Variants in PTPRN2 observed in about 807,000 individuals in gnomAD.
PTPRN2 encodes the protein protein tyrosine phosphatase receptor type N2.
In PTPRN2, 74 loss-of-function variants were observed where a neutral mutation model predicts 118.8. The ratio of observed to expected loss-of-function variants is 0.62; its 90% CI spans 0.52 to 0.76. The LOEUF (loss-of-function observed/expected upper bound fraction) is 0.76, where lower values mean the gene tolerates loss of function less well. Ranked by LOEUF, PTPRN2 falls within the 30% of genes least tolerant of loss-of-function variation. The pLI is 0.00. For missense variants in PTPRN2, 1,481 were observed against 1,394.4 expected (o/e 1.06, Z -0.99); for synonymous variants, 641 against 608.0 (o/e 1.05, Z -0.80).
intron 11 of PTPRN2, among the ~76,000 whole-genome samples, chr7:158,021,251 T>C (rs1806850938): frequency 6.6e-6 from 1 of 152,100 alleles, no homozygotes; most frequent in African/African-American, 2.4e-5. Context: ...CAGCAGGTAT[T>C]AGGAAAGAAT....
At chr7:158,161,678 C>T (rs1441363352) in intron 6 of PTPRN2, among the ~76,000 whole-genome samples, 1 of 152,148 alleles carries the variant, frequency 6.6e-6, no homozygotes, top group Non-Finnish European at 1.5e-5. Flanking sequence ...TTGGTGATGA[C>T]TTTTTAAAAT....
chr7:157,639,966 G>C (rs896630892), intron 14 of PTPRN2, among the ~76,000 whole-genome samples: 5 of 152,192 alleles, frequency 3.3e-5, no homozygotes, highest in Admixed American at 6.5e-5. Flanking sequence ...AGTGTGTCTG[G>C]CAAAAGCTCT....
intron 11 of PTPRN2, among the ~76,000 whole-genome samples, chr7:157,937,804 C>T (rs948571220): frequency 3.9e-5 from 6 of 152,344 alleles, no homozygotes; most frequent in South Asian, 4.1e-4. Flanking sequence ...AACAGTCCTG[C>T]GTATCTGCAA....
chr7:158,319,432 A>AGG (rs1802650508), intron 2 of PTPRN2, among the ~76,000 whole-genome samples: 1 of 126,438 alleles, frequency 7.9e-6, no homozygotes. Flanking sequence ...ACACACACAC[A>AGG]CACAGCCTCC....
intron 12 of PTPRN2, among the ~76,000 whole-genome samples, chr7:157,847,724 G>A (rs1429866718): frequency 7.1e-6 from 1 of 140,668 alleles, no homozygotes; most frequent in African/African-American, 2.7e-5. Flanking sequence ...CATCATGTGT[G>A]CCCAATGTCT....
In PTPRN2 at chr7:158,319,621, AGCCT is replaced by A. The variant is rs1438205120; in HGVS notation, c.164-2693_164-2690del. ...CACACAGCCTCCCTTGTACACACACAGCCTCCCTCACACACACACAGCCTCCCTC... is the reference window on the plus strand; with the variant it reads ...CACACAGCCTCCCTTGTACACACACACCCTCACACACACACAGCCTCCCTC... On this transcript the variant is annotated intron_variant, in intron 2 of 22. Transcript: ENST00000389418. 3.8e-4 allele frequency among the ~76,000 whole-genome samples: 34 copies of A among 88,964 alleles called. 4 individuals carry two copies. Among genetic ancestry groups the A allele is most frequent in the East Asian group, 1.7e-3 (5 of 2,964 alleles). 58.4% of individuals were successfully genotyped at this position (88,964 alleles called of 152,430 possible).
intron 12 of PTPRN2, among the ~76,000 whole-genome samples, chr7:157,760,170 A>T (rs1200506572): frequency 1.3e-5 from 2 of 151,970 alleles, no homozygotes; most frequent in Non-Finnish European, 2.9e-5. Flanking sequence ...CTCTCTAACA[A>T]ACATCCCCCA....
intron 11 of PTPRN2, among the ~76,000 whole-genome samples, chr7:157,945,516 C>T (rs1336704998): frequency 1.3e-5 from 2 of 152,168 alleles, no homozygotes; most frequent in Non-Finnish European, 2.9e-5. Context: ...CCTGCCGTTC[C>T]CAACTCAGAC....
rs1802815086 is a variant in PTPRN2 at position 157,977,139 on chromosome 7, A to T, written c.1724-78402T>A. ...CATGAATCTAATAATTAGTTAACTG[A>T]TTAACGAAATGCATATTCATTAAGC... On this transcript the variant is annotated intron_variant, in intron 11 of 22. Coordinates refer to ENST00000389418, the MANE Select transcript of PTPRN2 (RefSeq NM_002847.5). The surrounding 1 kb of genome is among the most constrained non-coding windows in gnomAD (Gnocchi z 4.6). 6.6e-6 allele frequency among the ~76,000 whole-genome samples: 1 copy of T among 151,940 alleles called. No homozygotes were observed. Among genetic ancestry groups the T allele is most frequent in the South Asian group, 2.1e-4 (1 of 4,818 alleles).
At chr7:157,573,923 T>TGTGTGGCACCCA (rs1799884408) in intron 19 of PTPRN2, among the ~76,000 whole-genome samples, 1 of 152,196 alleles carries the variant, frequency 6.6e-6, no homozygotes, top group Admixed American at 6.5e-5. Flanking sequence ...ACATGTGCAG[T>TGTGTGGCACCCA]GTAGATACAG....
chr7:157,856,776 C>T (rs62476432), intron 12 of PTPRN2, among the ~76,000 whole-genome samples: 79 of 152,148 alleles, frequency 5.2e-4, no homozygotes, highest in Non-Finnish European at 8.5e-4. Flanking sequence ...GAATCTTTTT[C>T]GTATGTCTGT....
chr7:157,571,606 G>C, intron 19 of PTPRN2, 113 bp from the exon 20 acceptor site: 1 of 712,160 alleles, frequency 1.4e-6, no homozygotes, highest in East Asian at 2.8e-5. Flanking sequence ...TTTTGCAATC[G>C]CTTGTTTTGA....
intron 11 of PTPRN2, among the ~76,000 whole-genome samples, chr7:157,989,907 G>C (rs1034156161): frequency 1.3e-5 from 2 of 151,872 alleles, no homozygotes; most frequent in African/African-American, 4.8e-5. Context: ...GCCCTGCCCA[G>C]GGCTGCGCTG....
intron 3 of PTPRN2, among the ~76,000 whole-genome samples, chr7:158,226,888 T>A (rs1443867735): frequency 6.6e-6 from 1 of 152,140 alleles, no homozygotes; most frequent in African/African-American, 2.4e-5. Context: ...ATTAATGGGC[T>A]GTGGCTTGCA....
chr7:158,307,532 C>T (rs1159841410), intron 3 of PTPRN2, among the ~76,000 whole-genome samples: 1 of 151,754 alleles, frequency 6.6e-6, no homozygotes, highest in Non-Finnish European at 1.5e-5. Context: ...AAATAATGAC[C>T]CAAAATTCCC....
chr7:158,576,602 G>A lies in PTPRN2; in HGVS notation c.112+10956C>T, dbSNP rs75460551. Among the ~76,000 whole-genome samples, 782 of 152,316 alleles carry A rather than the reference G, an allele frequency of 5.1e-3. 10 individuals carry two copies. The highest frequency in any genetic ancestry group is 0.017 in the African/African-American group (724 of 41,548). The stretch of plus-strand genomic sequence containing the variant: ...ATAAGGAACAGGAACACACCACAAA[G>A]GTCCCACAGAAGCACAGCATGGGGA... On this transcript the variant is annotated intron_variant, in intron 1 of 22. Coordinates refer to ENST00000389418, the MANE Select transcript of PTPRN2 (RefSeq NM_002847.5).
At chr7:158,085,170 ACCC>A (rs1813216823) in intron 10 of PTPRN2, among the ~76,000 whole-genome samples, 7 of 82,634 alleles carry the variant, frequency 8.5e-5, no homozygotes, top group Admixed American at 1.3e-4. Flanking sequence ...CCATCCAGAT[ACCC>A]ATCCACACCC....
chr7:158,004,901 C>T (rs978954533), intron 11 of PTPRN2, among the ~76,000 whole-genome samples: 1 of 152,080 alleles, frequency 6.6e-6, no homozygotes, highest in African/African-American at 2.4e-5. Context: ...TTTAAAACCT[C>T]TTAGGGTATG....
intron 11 of PTPRN2, among the ~76,000 whole-genome samples, chr7:158,054,187 A>G (rs188594981): frequency 6.6e-6 from 1 of 152,304 alleles, no homozygotes; most frequent in East Asian, 1.9e-4. Context: ...GCTAAAAGTT[A>G]CTATTCTGAT....
Sources: gnomAD v4.1 joint callset for allele counts (sites outside exome capture counted in the v4.1 genomes callset) on GRCh38, gnomAD v4.1.1 for gene constraint, Gnocchi (gnomAD v3.1) non-coding constraint, MANE v1.5 for transcripts, NCBI Gene and HGNC (gene_info 2026-07-23, HGNC 2026-07-21) for gene names.